FUT9: variants seen among roughly 807,000 people sequenced by gnomAD.
FUT9 encodes the protein fucosyltransferase 9, also known as 4-galactosyl-N-acetylglucosaminide 3-alpha-L-fucosyltransferase 9.
In FUT9, 15 loss-of-function variants were observed where a neutral mutation model predicts 29.7. That is an observed-to-expected ratio of 0.51 (90% CI 0.34 to 0.78). The LOEUF (loss-of-function observed/expected upper bound fraction) is 0.78, where lower values mean the gene tolerates loss of function less well. Among genes scored for constraint, FUT9 ranks in the 30% least tolerant of loss-of-function variants. FUT9 has a pLI of 0.01. For missense variants in FUT9, 319 were observed against 425.4 expected (o/e 0.75, Z 2.20); for synonymous variants, 169 against 153.7 (o/e 1.10, Z -0.74).
chr6:96,062,798 A>T (rs1250390964), intron 1 of FUT9, among the ~76,000 whole-genome samples: 1 of 152,204 alleles, frequency 6.6e-6, no homozygotes, highest in East Asian at 1.9e-4. Flanking sequence ...TTTGTAAAAA[A>T]AGAAAATCTT....
In FUT9 at chr6:96,215,575, T is replaced by C. The variant is rs1050001547; in HGVS notation, c.*11340T>C. 3.6e-5 allele frequency: 6 copies of C among 166,130 alleles called. No individual in the cohort carries two copies. In the East Asian group the frequency reaches 9.6e-4, roughly 27 times the overall value. 10.3% of individuals were successfully genotyped at this position (166,130 alleles called of 1,614,324 possible). A position where few individuals can be genotyped will look rare whatever the true frequency, so the allele number is the denominator to read the frequency against. On this transcript the variant is annotated 3_prime_UTR_variant, in exon 3 of 3. Transcript: ENST00000302103. ...ATTCTGACCTAATGAATTCCTGTAA[T>C]GTGAATATTTAAAATAAAAGAATTC... is the stretch of plus-strand genomic sequence containing the variant.
intron 1 of FUT9, among the ~76,000 whole-genome samples, chr6:96,035,444 C>T (rs1182219678): frequency 6.6e-6 from 1 of 150,912 alleles, no homozygotes; most frequent in African/African-American, 2.4e-5. Context: ...CACCCATAAC[C>T]TTATTTTCTC....
At chr6:96,119,944 G>A (rs1562131848) in intron 2 of FUT9, among the ~76,000 whole-genome samples, 1 of 152,084 alleles carries the variant, frequency 6.6e-6, no homozygotes, top group Non-Finnish European at 1.5e-5. Flanking sequence ...ACACCCAATA[G>A]AGAAACAATT....
chr6:96,057,388 G>A (rs541230363), intron 1 of FUT9, among the ~76,000 whole-genome samples: 3 of 152,270 alleles, frequency 2.0e-5, no homozygotes, highest in Admixed American at 2.0e-4. Flanking sequence ...ATTCTGGAAT[G>A]CAGAGGGAGG....
intron 2 of FUT9, among the ~76,000 whole-genome samples, chr6:96,134,721 A>C (rs1772315697): frequency 6.6e-6 from 1 of 151,936 alleles, no homozygotes; most frequent in African/African-American, 2.4e-5. Flanking sequence ...AATAAAGTTG[A>C]ATAATTTTCC....
chr6:96,183,761 G>A (rs1773353112), intron 2 of FUT9, among the ~76,000 whole-genome samples: 1 of 152,004 alleles, frequency 6.6e-6, no homozygotes, highest in African/African-American at 2.4e-5. Context: ...ACTTGCATAT[G>A]TTAAACCATC....
intron 2 of FUT9, among the ~76,000 whole-genome samples, chr6:96,114,820 A>C (rs1771880657): frequency 6.6e-6 from 1 of 152,192 alleles, no homozygotes; most frequent in Admixed American, 6.5e-5. Flanking sequence ...AATGAGAAAG[A>C]AATAAAACAG....
At chr6:96,086,602 G>A (rs6571015) in intron 1 of FUT9, among the ~76,000 whole-genome samples, 116,178 of 152,076 alleles carry the variant, frequency 0.76, 45,183 homozygotes, top group South Asian at 0.93. Flanking sequence ...TCCATTAGCT[G>A]TATGATTTTC....
In FUT9 at chr6:96,206,654, G is replaced by A. The variant is rs1773835878; in HGVS notation, c.*2419G>A. ...GTTTTTGTATTTTTAGTAGAGATGG[G>A]TTTCACTGTGTTGGCCAGGCTGGTC... is the stretch of plus-strand genomic sequence containing the variant. On this transcript the variant is annotated 3_prime_UTR_variant, in exon 3 of 3. Transcript: ENST00000302103. The A allele has an allele frequency of 6.2e-6, 1 of 160,492 alleles. No homozygotes were observed. Among genetic ancestry groups the A allele is most frequent in the Non-Finnish European group, 1.5e-5 (1 of 68,154 alleles). The allele number at this position is 160,492 out of a possible 1,614,324, so 9.9% of individuals were successfully genotyped here.
At chr6:96,054,663 G>A (rs1458055675) in intron 1 of FUT9, among the ~76,000 whole-genome samples, 1 of 152,190 alleles carries the variant, frequency 6.6e-6, no homozygotes, top group Admixed American at 6.5e-5. Flanking sequence ...CATACTTGAA[G>A]TTGGAAGTTT....
Position 96,070,416 on chromosome 6 carries a change from G to C in FUT9, c.-97-43623G>C, listed in dbSNP as rs74606930. On this transcript the variant is annotated intron_variant, in intron 1 of 2. Transcript: ENST00000302103. ...GTAATACTATACAAGCCTTAAAATT[G>C]TAATTATGCCTGTAATTCCAGCACT... Among the ~76,000 whole-genome samples, 180 of 152,216 alleles carry C rather than the reference G, an allele frequency of 1.2e-3. No individual in the cohort carries two copies. In the Middle Eastern group the frequency reaches 0.014, roughly 12 times the overall value.
intron 2 of FUT9, among the ~76,000 whole-genome samples, chr6:96,136,463 C>T (rs916060555): frequency 2.0e-5 from 3 of 151,838 alleles, no homozygotes; most frequent in Admixed American, 6.6e-5. Flanking sequence ...ACTCATTATG[C>T]TTAGGTCAGA....
At chr6:96,038,069 A>G (rs1298258572) in intron 1 of FUT9, among the ~76,000 whole-genome samples, 1 of 152,158 alleles carries the variant, frequency 6.6e-6, no homozygotes, top group Non-Finnish European at 1.5e-5. Context: ...GAGCGTTGCC[A>G]CAAGGTCAAT....
chr6:96,162,820 C>A (rs1318488099), intron 2 of FUT9, among the ~76,000 whole-genome samples: 1 of 152,206 alleles, frequency 6.6e-6, no homozygotes, highest in Non-Finnish European at 1.5e-5. Flanking sequence ...TACTGGAGCC[C>A]TTTTGGCCTG....
intron 2 of FUT9, among the ~76,000 whole-genome samples, chr6:96,149,673 C>A (rs2127976222): frequency 6.6e-6 from 1 of 152,234 alleles, no homozygotes; most frequent in African/African-American, 2.4e-5. Flanking sequence ...CAAAAGCAAG[C>A]ATTTCTTTGC....
intron 1 of FUT9, among the ~76,000 whole-genome samples, chr6:96,106,133 C>T (rs952493984): frequency 3.3e-5 from 5 of 151,956 alleles, no homozygotes; most frequent in African/African-American, 7.3e-5. Context: ...GTTCTGGGAG[C>T]CTGACTGAAG....
At chr6:96,088,995 A>C (rs960886673) in intron 1 of FUT9, among the ~76,000 whole-genome samples, 1 of 149,806 alleles carries the variant, frequency 6.7e-6, no homozygotes, top group Non-Finnish European at 1.5e-5. Flanking sequence ...AGGTAAAATC[A>C]GAGCAGCCTT....
rs1038136873 is a variant in FUT9, at chr6:96,167,793, C to A, written c.-8-35355C>A. On this transcript the variant is annotated intron_variant, in intron 2 of 2. Coordinates refer to ENST00000302103, the MANE Select transcript of FUT9 (RefSeq NM_006581.4). ...AACAAAAGTGTGGGAGAGAAGAGTG[C>A]TCCAGGTAGAGACAATAGCTTGTAC... Among the ~76,000 whole-genome samples, 32 of 152,240 alleles carry A rather than the reference C, an allele frequency of 2.1e-4. No individual in the cohort carries two copies. The Middle Eastern group carries it at 0.017, about 81-fold the overall frequency.
At chr6:96,131,482 A>G (rs1206052543) in intron 2 of FUT9, among the ~76,000 whole-genome samples, 1 of 152,134 alleles carries the variant, frequency 6.6e-6, no homozygotes, top group Non-Finnish European at 1.5e-5. Context: ...CTTTGTTTCA[A>G]ATCGTCAACC....
Sources: gnomAD v4.1 joint callset for allele counts (sites outside exome capture counted in the v4.1 genomes callset) on GRCh38, gnomAD v4.1.1 for gene constraint, MANE v1.5 for transcripts, NCBI Gene and HGNC (gene_info 2026-07-23, HGNC 2026-07-21) for gene names.